The following NCEH1 variants were observed in gnomAD, a reference collection of about 807,000 sequenced individuals.
The protein encoded by NCEH1 is 2-acetyl MAGE hydrolase.
In NCEH1, 9 loss-of-function variants were observed where a neutral mutation model predicts 25.4. The ratio of observed to expected loss-of-function variants is 0.35; its 90% CI spans 0.21 to 0.62. NCEH1 has a LOEUF of 0.62. Among genes scored for constraint, NCEH1 ranks in the 20% least tolerant of loss-of-function variants. The pLI, the probability that NCEH1 is intolerant of heterozygous loss-of-function variation, is 0.72. For missense variants in NCEH1, 412 were observed against 501.1 expected (o/e 0.82, Z 1.70); for synonymous variants, 200 against 199.8 (o/e 1.00, Z -0.01).
Position 172,633,907 on chromosome 3 carries a change from T to TGC in NCEH1, c.793_794dup (p.Met266GlnfsTer2). The TGC allele has an allele frequency of 6.2e-7, 1 of 1,614,222 alleles. No individual in the cohort carries two copies. Among genetic ancestry groups the TGC allele is most frequent in the South Asian group, 1.1e-5 (1 of 91,086 alleles). On this transcript the variant is annotated frameshift_variant, in exon 5 of 5. Transcript: ENST00000475381. LOFTEE classifies it low-confidence loss of function (END_TRUNC). ...GTGAAGTGTGATTGTTAACGATCAT[T>TGC]GCCTGCACAAAGTCATAGTTGCCTT...
intron 1 of NCEH1, among the ~76,000 whole-genome samples, chr3:172,672,978 C>A (rs1711727612): frequency 6.6e-6 from 1 of 152,146 alleles, no homozygotes; most frequent in Non-Finnish European, 1.5e-5. Flanking sequence ...TCCTGGGGCC[C>A]AAACCTCAGC....
chr3:172,652,874 T>TC lies in NCEH1; in HGVS notation c.139-4761_139-4760insG, dbSNP rs1043707303. ...CCACACCTGGCTAATTTTTGTATTT[T>TC]TTTTTTTTTTAGTAGATACAGGGTT... On this transcript the variant is annotated intron_variant, in intron 1 of 4. Coordinates refer to ENST00000475381, the MANE Select transcript of NCEH1 (RefSeq NM_020792.6). Among the ~76,000 whole-genome samples the TC allele has an allele frequency of 5.3e-4, 81 of 152,012 alleles. 1 individual carries two copies. In the Middle Eastern group the frequency reaches 0.017, roughly 32 times the overall value.
At position 172,685,627 on chromosome 3, in the gene NCEH1, T is replaced by C. The variant is rs182256490; in HGVS notation, c.138+25220A>G. 2.0e-5 allele frequency among the ~76,000 whole-genome samples: 3 copies of C among 152,318 alleles called. No individual in the cohort carries two copies. In the East Asian group the frequency reaches 5.8e-4, roughly 29 times the overall value. On this transcript the variant is annotated intron_variant, in intron 1 of 4. Transcript: ENST00000475381. ...ATATCTTGATTGAAAATAGTTCCAG[T>C]TTATCTCAATGCTTCTGCAACCCTA...
At chr3:172,675,530 G>GA (rs1055716309) in intron 1 of NCEH1, among the ~76,000 whole-genome samples, 3 of 151,934 alleles carry the variant, frequency 2.0e-5, no homozygotes, top group Admixed American at 2.0e-4. Context: ...GAATGAGTCA[G>GA]AAAAATGTAT....
At chr3:172,645,136 A>G (rs1381280906) in intron 3 of NCEH1, among the ~76,000 whole-genome samples, 5 of 152,304 alleles carry the variant, frequency 3.3e-5, no homozygotes, top group South Asian at 2.1e-4. Flanking sequence ...TGGCTTATAC[A>G]GAACTGACAG....
chr3:172,697,679 G>A (rs1168909581), intron 1 of NCEH1, among the ~76,000 whole-genome samples: 1 of 152,094 alleles, frequency 6.6e-6, no homozygotes, highest in African/African-American at 2.4e-5. Flanking sequence ...GGAGAGGAGG[G>A]AGAAGGGGAA....
intron 1 of NCEH1, among the ~76,000 whole-genome samples, chr3:172,650,663 A>AG (rs1717353626): frequency 1.3e-5 from 2 of 150,406 alleles, no homozygotes; most frequent in South Asian, 4.2e-4. Flanking sequence ...AAAAAAAAAA[A>AG]TAGCCAGGCA....
chr3:172,668,156 G>A (rs1718307924), intron 1 of NCEH1, among the ~76,000 whole-genome samples: 2 of 152,144 alleles, frequency 1.3e-5, no homozygotes, highest in South Asian at 4.1e-4. Context: ...TTGAAGAGCA[G>A]GTAGCTCTGT....
chr3:172,661,016 C>T (rs780152584), intron 1 of NCEH1, among the ~76,000 whole-genome samples: 3 of 152,150 alleles, frequency 2.0e-5, no homozygotes, highest in Non-Finnish European at 4.4e-5. Context: ...GCTGCTATTG[C>T]TTTTGGTGTT....
In NCEH1 at chr3:172,711,029, G is replaced by GCTAT. The variant is rs1576791757; in HGVS notation, c.-46_-45insATAG. 6 of 1,613,328 alleles carry GCTAT rather than the reference G, an allele frequency of 3.7e-6. No individual in the cohort carries two copies. In the East Asian group the frequency reaches 1.3e-4, roughly 36 times the overall value. ...CCAGCGGGCTGGCAAAGAGGAAAGG[G>GCTAT]CGATACCACCCGGAGACCTCCGGCA... On this transcript the variant is annotated 5_prime_UTR_variant, in exon 1 of 5. Transcript: ENST00000475381.
chr3:172,679,988 A>G (rs752432958), intron 1 of NCEH1, among the ~76,000 whole-genome samples: 2 of 152,070 alleles, frequency 1.3e-5, no homozygotes, highest in South Asian at 2.1e-4. Context: ...TATTATTATC[A>G]TTACTCAATC....
intron 2 of NCEH1, among the ~76,000 whole-genome samples, chr3:172,646,023 A>C (rs1259128734): frequency 3.3e-5 from 5 of 152,182 alleles, no homozygotes; most frequent in African/African-American, 1.2e-4. Flanking sequence ...TTCTGGAAAA[A>C]AAATCACAGC....
intron 3 of NCEH1, among the ~76,000 whole-genome samples, chr3:172,638,547 G>C (rs189394907): frequency 9.9e-6 from 1 of 100,970 alleles, no homozygotes; most frequent in Non-Finnish European, 1.8e-5. Context: ...TTCTTGGGGT[G>C]GGGGGTGGGT....
At chr3:172,639,074 G>A (rs895058171) in intron 3 of NCEH1, among the ~76,000 whole-genome samples, 1 of 152,108 alleles carries the variant, frequency 6.6e-6, no homozygotes, top group Non-Finnish European at 1.5e-5. Context: ...GCCAAGGTGC[G>A]CGGATCACGA....
chr3:172,685,423 A>C (rs529457045), intron 1 of NCEH1, among the ~76,000 whole-genome samples: 4 of 152,142 alleles, frequency 2.6e-5, no homozygotes, highest in South Asian at 4.1e-4. Flanking sequence ...TAAGGCTTCA[A>C]TCTTAAATGG....
At position 172,633,370 on chromosome 3, in the gene NCEH1, T is replaced by C; in HGVS notation, c.*105A>G. On this transcript the variant is annotated 3_prime_UTR_variant, in exon 5 of 5. Transcript: ENST00000475381. Reference sequence around the variant, plus strand: ...GAATAGAAATTCCATAACTCGCAAGTAGAGGGGAATGGGAGGAAGAATTAG... The same window carrying C: ...GAATAGAAATTCCATAACTCGCAAGCAGAGGGGAATGGGAGGAAGAATTAG... The C allele has an allele frequency of 9.4e-7, 1 of 1,060,674 alleles. No homozygotes were observed. Among genetic ancestry groups the C allele is most frequent in the Non-Finnish European group, 1.4e-6 (1 of 721,526 alleles). The allele number at this position is 1,060,674 out of a possible 1,614,324, so 65.7% of individuals were successfully genotyped here. A position where few individuals can be genotyped will look rare whatever the true frequency, so the allele number is the denominator to read the frequency against.
At chr3:172,684,515 C>G (rs1712592680) in intron 1 of NCEH1, among the ~76,000 whole-genome samples, 1 of 152,126 alleles carries the variant, frequency 6.6e-6, no homozygotes, top group Non-Finnish European at 1.5e-5. Context: ...ATGAAACAAT[C>G]AAGTAAATCA....
At chr3:172,647,464 A>C (rs1717172242) in intron 2 of NCEH1, among the ~76,000 whole-genome samples, 1 of 152,250 alleles carries the variant, frequency 6.6e-6, no homozygotes, top group Non-Finnish European at 1.5e-5. Flanking sequence ...ATTTCATAGA[A>C]ATATATCTTC....
At chr3:172,670,476 C>T (rs1169357588) in intron 1 of NCEH1, among the ~76,000 whole-genome samples, 1 of 152,218 alleles carries the variant, frequency 6.6e-6, no homozygotes, top group African/African-American at 2.4e-5. Context: ...ACAATAGCCA[C>T]ATCCTGACTA....
Sources: gnomAD v4.1 joint callset for allele counts (sites outside exome capture counted in the v4.1 genomes callset) on GRCh38, gnomAD v4.1.1 for gene constraint, MANE v1.5 for transcripts, NCBI Gene and HGNC (gene_info 2026-07-23, HGNC 2026-07-21) for gene names.